Variants in GZMA observed in about 807,000 individuals in gnomAD.
GZMA encodes CTL tryptase.
In GZMA, 17 loss-of-function variants were observed where a neutral mutation model predicts 21.1. That is an observed-to-expected ratio of 0.81 (90% CI 0.55 to 1.21). GZMA has a LOEUF of 1.21. Among genes scored for constraint, GZMA ranks in the 50% most tolerant of loss-of-function variants. The pLI, the probability that GZMA is intolerant of heterozygous loss-of-function variation, is 0.00. For missense variants in GZMA, 306 were observed against 315.9 expected, an observed-to-expected ratio of 0.97 and a Z score of 0.24; for synonymous variants, 90 against 107.8, an observed-to-expected ratio of 0.83 and a Z score of 1.03.
chr5:55,103,597 C>T (rs1742338932), intron 1 of GZMA, among the ~76,000 whole-genome samples: 1 of 152,178 alleles, frequency 6.6e-6, no homozygotes, highest in Admixed American at 6.5e-5. Context: ...GTGAGGACTA[C>T]TCTCAAGCTG....
intron 1 of GZMA, among the ~76,000 whole-genome samples, chr5:55,104,760 C>T (rs922922038): frequency 1.3e-5 from 2 of 152,180 alleles, no homozygotes; most frequent in East Asian, 3.9e-4. Flanking sequence ...GTCTCTACTT[C>T]AAGACTATCA....
chr5:55,105,494 G>A lies in GZMA; in HGVS notation c.91G>A (p.Gly31Arg), dbSNP rs749265507. 1.2e-6 allele frequency: 2 copies of A among 1,612,234 alleles called. No homozygotes were observed. Among genetic ancestry groups the A allele is most frequent in the Non-Finnish European group, 1.7e-6 (2 of 1,178,940 alleles). The change falls in exon 2 of 5, where the codon GGA (glycine) becomes AGA (arginine). Residue 31 changes from glycine to arginine, a missense_variant. Physicochemically the swap from Gly to Arg is moderately radical, Grantham distance 125 (BLOSUM62 -2). Coordinates refer to ENST00000274306, the MANE Select transcript of GZMA (RefSeq NM_006144.4). ...AACAGATGTCTGTGAAAAAATTATT[G>A]GAGGAAATGAAGTAACTCCTCATTC... ...IPEDVCEKII[G>R]GNEVTPHSRP...
intron 1 of GZMA, among the ~76,000 whole-genome samples, chr5:55,103,234 A>C (rs1742334039): frequency 2.6e-5 from 4 of 152,128 alleles, no homozygotes; most frequent in African/African-American, 7.2e-5. Context: ...CAACTTAGTC[A>C]GCTCAGCCTT....
At chr5:55,105,340 T>C in intron 1 of GZMA, 134 bp from the exon 2 acceptor site, 1 of 698,816 alleles carries the variant, frequency 1.4e-6, no homozygotes, top group Non-Finnish European at 2.4e-6. Context: ...CTACATAGAG[T>C]AAAAGCAGGG....
At position 55,102,712 on chromosome 5, in the gene GZMA, C is replaced by A; in HGVS notation, c.30C>A (p.Ser10=). The part of the protein sequence containing the change: MRNSYRFLA[S]SLSVVVSLLL... ...GGAACTCCTATAGATTTCTGGCATC[C>A]TCTCTCTCAGTTGTCGTTTCTCTCC... Residue 10 remains serine, a synonymous_variant, in exon 1 of 5, where the codon TCC becomes TCA. Transcript: ENST00000274306. 6.2e-7 allele frequency: 1 copy of A among 1,609,392 alleles called. No individual in the cohort carries two copies. The highest frequency in any genetic ancestry group is 1.3e-5 in the African/African-American group (1 of 74,936).
chr5:55,104,460 G>A (rs1742351250), intron 1 of GZMA, among the ~76,000 whole-genome samples: 1 of 152,182 alleles, frequency 6.6e-6, no homozygotes, highest in African/African-American at 2.4e-5. Flanking sequence ...CACATTTCAT[G>A]TGGTCACTCT....
Position 55,107,870 on chromosome 5 carries a change from A to G in GZMA, c.292A>G (p.Lys98Glu). ...EEPTKQIMLV[K>E]KEFPYPCYDP... Reference sequence around the variant, plus strand: ...GCCAACAAAACAGATAATGCTTGTTAAGAAAGAGTTTCCCTATCCATGCTA... The same window carrying G: ...GCCAACAAAACAGATAATGCTTGTTGAGAAAGAGTTTCCCTATCCATGCTA... The change falls in exon 3 of 5, where the codon AAG (lysine) becomes GAG (glutamate). Residue 98 changes from lysine (K) to glutamate (E), a missense_variant. Physicochemically the swap from Lys to Glu is moderately conservative, Grantham distance 56. Transcript: ENST00000274306. The G allele has an allele frequency of 6.2e-7, 1 of 1,612,938 alleles. No individual in the cohort carries two copies. Among genetic ancestry groups the G allele is most frequent in the South Asian group, 1.1e-5 (1 of 91,042 alleles).
At chr5:55,102,891 A>C in intron 1 of GZMA, 139 bp downstream of exon 1, 2 of 662,186 alleles carry the variant, frequency 3.0e-6, no homozygotes, top group South Asian at 1.7e-5. Flanking sequence ...GCCAGGCACA[A>C]TGGCACATGC....
chr5:55,110,074 C>G lies in GZMA; in HGVS notation c.681C>G (p.Ser227=), dbSNP rs1389318088. The change falls in exon 5 of 5, where the codon TCC becomes TCG. Residue 227 remains serine, a synonymous_variant. Coordinates refer to ENST00000274306, the MANE Select transcript of GZMA (RefSeq NM_006144.4). ...LCEGVFRGVT[S]FGLENKCGDP... ...AGGGTGTTTTCCGAGGGGTCACTTC[C>G]TTTGGCCTTGAAAATAAATGCGGAG... 6.2e-7 allele frequency: 1 copy of G among 1,612,632 alleles called. No individual in the cohort carries two copies. Among genetic ancestry groups the G allele is most frequent in the Non-Finnish European group, 8.5e-7 (1 of 1,179,378 alleles).
chr5:55,105,416 T>G, intron 1 of GZMA, 58 bp from the exon 2 acceptor site: 1 of 1,481,016 alleles, frequency 6.8e-7, no homozygotes, highest in Non-Finnish European at 9.2e-7. Flanking sequence ...AAACATGACT[T>G]TGTGTAGAGC....
chr5:55,106,676 C>T (rs1397686450), intron 2 of GZMA, among the ~76,000 whole-genome samples: 1 of 152,166 alleles, frequency 6.6e-6, no homozygotes, highest in Non-Finnish European at 1.5e-5. Flanking sequence ...TCTTGTATGC[C>T]TCCGTGAATT....
intron 2 of GZMA, among the ~76,000 whole-genome samples, chr5:55,106,680 G>A (rs567419612): frequency 2.0e-5 from 3 of 152,230 alleles, no homozygotes; most frequent in Non-Finnish European, 2.9e-5. Context: ...GTATGCCTCC[G>A]TGAATTCCTC....
chr5:55,104,090 T>C (rs865797402), intron 1 of GZMA, among the ~76,000 whole-genome samples: 44 of 152,304 alleles, frequency 2.9e-4, no homozygotes, highest in African/African-American at 1.0e-3. Context: ...TTGGCTATGT[T>C]ATAAGCAGGG....
At position 55,105,603 on chromosome 5, in the gene GZMA, C is replaced by T; in HGVS notation, c.200C>T (p.Ala67Val). 6.2e-7 allele frequency: 1 copy of T among 1,613,416 alleles called. No individual in the cohort carries two copies. The change falls in exon 2 of 5, where the codon GCA becomes GTA. Residue 67 changes from alanine (A) to valine (V), a missense_variant. By Grantham distance (64) the Ala-to-Val change is moderately conservative. Coordinates refer to ENST00000274306, the MANE Select transcript of GZMA (RefSeq NM_006144.4). ...ATTGCAAAAGACTGGGTGTTGACTGCAGCTCACTGTAACTTGTAAGTGCCT... is the reference window on the plus strand; with the variant it reads ...ATTGCAAAAGACTGGGTGTTGACTGTAGCTCACTGTAACTTGTAAGTGCCT... ...ALIAKDWVLT[A>V]AHCNLNKRSQ...
chr5:55,106,357 A>C (rs1011133049), intron 2 of GZMA, among the ~76,000 whole-genome samples: 5 of 151,684 alleles, frequency 3.3e-5, no homozygotes, highest in Admixed American at 6.6e-5. Flanking sequence ...AATAAAGTAG[A>C]TCCCACTGAA....
In GZMA at chr5:55,105,475, T is replaced by G. The variant is rs749945065; in HGVS notation, c.72T>G (p.Asp24Glu). Residue 24 changes from aspartate (D) to glutamate (E), a missense_variant and splice_region_variant, in exon 2 of 5, where the codon GAT (aspartate) becomes GAG (glutamate). Coordinates refer to ENST00000274306, the MANE Select transcript of GZMA (RefSeq NM_006144.4). ...VVVSLLLIPEDVCEKIIGGNE... is the reference protein window; with the variant it reads ...VVVSLLLIPEEVCEKIIGGNE... ...GATTTGTCTTTTTCCATTGAACAGA[T>G]GTCTGTGAAAAAATTATTGGAGGAA... The G allele has an allele frequency of 2.5e-6, 4 of 1,612,506 alleles. No individual in the cohort carries two copies. The highest frequency in any genetic ancestry group is 3.4e-6 in the Non-Finnish European group (4 of 1,179,098).
At chr5:55,104,081 T>C (rs1322996524) in intron 1 of GZMA, among the ~76,000 whole-genome samples, 1 of 152,086 alleles carries the variant, frequency 6.6e-6, no homozygotes, top group African/African-American at 2.4e-5. Context: ...GGACAAAGGT[T>C]GGCTATGTTA....
intron 2 of GZMA, among the ~76,000 whole-genome samples, chr5:55,107,142 G>A (rs8192914): frequency 0.12 from 18,831 of 152,146 alleles, 1,280 homozygotes; most frequent in East Asian, 0.26. Flanking sequence ...TTTATACTAG[G>A]TTATGAATGA....
rs756590626 is a variant in GZMA at position 55,102,705 on chromosome 5, T to C, written c.23T>C (p.Leu8Pro). 2 of 1,609,802 alleles carry C rather than the reference T, an allele frequency of 1.2e-6. No homozygotes were observed. The highest frequency in any genetic ancestry group is 8.5e-7 in the Non-Finnish European group (1 of 1,175,994). Residue 8 changes from leucine to proline, a missense_variant, in exon 1 of 5, where the codon CTG becomes CCG. Physicochemically the swap from Leu to Pro is moderately conservative, Grantham distance 98. Transcript: ENST00000274306. MRNSYRF[L>P]ASSLSVVVSL... is the part of the protein sequence containing the mutation. ...ACAATGAGGAACTCCTATAGATTTC[T>C]GGCATCCTCTCTCTCAGTTGTCGTT...
Sources: gnomAD v4.1 joint callset for allele counts (sites outside exome capture counted in the v4.1 genomes callset) on GRCh38, gnomAD v4.1.1 for gene constraint, MANE v1.5 for transcripts, NCBI Gene and HGNC (gene_info 2026-07-23, HGNC 2026-07-21) for gene names.